ENOX1: variants seen among roughly 807,000 people sequenced by gnomAD.
ENOX1 encodes the protein ecto-NOX disulfide-thiol exchanger 1.
A neutral mutation model predicts 82.5 loss-of-function variants in ENOX1; 42 were observed. The ratio of observed to expected loss-of-function variants is 0.51; its 90% confidence interval spans 0.40 to 0.66. The LOEUF is 0.66. Among genes scored for constraint, ENOX1 ranks in the 30% least tolerant of loss-of-function variants. The probability of loss-of-function intolerance (pLI) is 0.00; values close to 1 mark genes in which losing one functional copy is unlikely to be tolerated. For synonymous variants in ENOX1, 271 were observed against 282.2 expected, an observed-to-expected ratio of 0.96 and a Z score of 0.40; for missense variants, 608 against 811.6, an observed-to-expected ratio of 0.75 and a Z score of 3.05.
At position 43,213,887 on chromosome 13, in the gene ENOX1, A is replaced by G; in HGVS notation, c.*103T>C. On this transcript the variant is annotated 3_prime_UTR_variant, in exon 17 of 17. Transcript: ENST00000690772. ...TAAAGGCAGGCTTCGATGGCTCCAC[A>G]AAGGTTGCGTGCTGGACCAACCCCA... The G allele has an allele frequency of 7.4e-7, 1 of 1,348,794 alleles. No homozygotes were observed. The highest frequency in any genetic ancestry group is 1.9e-4 in the Middle Eastern group (1 of 5,224). The allele number at this position is 1,348,794 out of a possible 1,614,324, so 83.6% of individuals were successfully genotyped here.
chr13:43,366,749 C>T (rs1028716462), intron 5 of ENOX1, among the ~76,000 whole-genome samples: 44 of 152,166 alleles, frequency 2.9e-4, no homozygotes, highest in African/African-American at 1.1e-3. Context: ...GGCTGTATGA[C>T]TTTGGGAAAT....
chr13:43,599,896 CCAGGCCCTAGCA>C, intron 2 of ENOX1, among the ~76,000 whole-genome samples: 1 of 151,924 alleles, frequency 6.6e-6, no homozygotes, highest in East Asian at 2.0e-4. Context: ...GGCCCCCATT[CCAGGCCCTAGCA>C]CCTGAATGAC....
intron 1 of ENOX1, among the ~76,000 whole-genome samples, chr13:43,747,552 C>T (rs1334489132): frequency 6.6e-6 from 1 of 152,206 alleles, no homozygotes; most frequent in African/African-American, 2.4e-5. Context: ...TGTCTTCACA[C>T]TTCATGGACA....
chr13:43,363,196 G>C (rs2050636524), intron 5 of ENOX1, among the ~76,000 whole-genome samples: 2 of 152,154 alleles, frequency 1.3e-5, no homozygotes, highest in African/African-American at 2.4e-5. Flanking sequence ...TCATCAGAAA[G>C]TTTCACAAGT....
intron 3 of ENOX1, among the ~76,000 whole-genome samples, chr13:43,463,917 A>C (rs1484344370): frequency 6.6e-6 from 1 of 152,198 alleles, no homozygotes; most frequent in African/African-American, 2.4e-5. Context: ...TTGAATACCT[A>C]CTATGTGCAG....
intron 11 of ENOX1, among the ~76,000 whole-genome samples, chr13:43,306,857 G>A (rs1420144230): frequency 6.6e-6 from 1 of 151,972 alleles, no homozygotes; most frequent in Non-Finnish European, 1.5e-5. Flanking sequence ...AGTTATATTA[G>A]TATTTGAATT....
At chr13:43,307,065 G>T (rs188506818) in intron 11 of ENOX1, among the ~76,000 whole-genome samples, 1 of 152,120 alleles carries the variant, frequency 6.6e-6, no homozygotes, top group African/African-American at 2.4e-5. Flanking sequence ...AGTTACTTCC[G>T]CCTTAGGTAA....
At chr13:43,272,834 T>C (rs1203201265) in intron 12 of ENOX1, among the ~76,000 whole-genome samples, 1 of 152,194 alleles carries the variant, frequency 6.6e-6, no homozygotes. Context: ...CACTGTATCC[T>C]GAAATGCTTA....
intron 12 of ENOX1, among the ~76,000 whole-genome samples, chr13:43,289,847 C>A (rs1378930759): frequency 6.6e-6 from 1 of 152,044 alleles, no homozygotes. Flanking sequence ...GGCCTAATAC[C>A]CACAATCTCT....
chr13:43,266,365 C>T (rs112010962), intron 13 of ENOX1, among the ~76,000 whole-genome samples: 692 of 152,268 alleles, frequency 4.5e-3, no homozygotes, highest in Middle Eastern at 0.01. Context: ...AACATTGGTT[C>T]CTTCTGGCTA....
At chr13:43,779,843 G>A (rs979925767) in intron 1 of ENOX1, among the ~76,000 whole-genome samples, 2 of 152,124 alleles carry the variant, frequency 1.3e-5, no homozygotes, top group South Asian at 2.1e-4. Flanking sequence ...TCTCTTCCAT[G>A]AGCAGCAACT....
intron 1 of ENOX1, among the ~76,000 whole-genome samples, chr13:43,756,985 A>C (rs2150222): frequency 0.074 from 11,196 of 150,320 alleles, 712 homozygotes; most frequent in African/African-American, 0.15. Context: ...AAAAAAAAAA[A>C]AAAAAAAAAG....
intron 2 of ENOX1, among the ~76,000 whole-genome samples, chr13:43,578,841 C>A (rs73182372): frequency 2.0e-5 from 3 of 152,136 alleles, no homozygotes; most frequent in African/African-American, 7.2e-5. Flanking sequence ...CTTAATTCCA[C>A]CTTTGATCTC....
intron 2 of ENOX1, among the ~76,000 whole-genome samples, chr13:43,556,397 T>A (rs1384941883): frequency 1.3e-5 from 2 of 152,236 alleles, no homozygotes; most frequent in Non-Finnish European, 1.5e-5. Context: ...GACACTATTT[T>A]GACTCCACCA....
intron 1 of ENOX1, among the ~76,000 whole-genome samples, chr13:43,770,251 G>A (rs1951510034): frequency 1.3e-5 from 2 of 152,170 alleles, no homozygotes; most frequent in South Asian, 4.1e-4. Flanking sequence ...GAGACAATGA[G>A]AAAATGGCAT....
At chr13:43,440,338 A>G (rs1334933862) in intron 3 of ENOX1, among the ~76,000 whole-genome samples, 1 of 152,222 alleles carries the variant, frequency 6.6e-6, no homozygotes, top group Non-Finnish European at 1.5e-5. Flanking sequence ...AGAAGTAGAA[A>G]CAAGTGGCTA....
intron 2 of ENOX1, among the ~76,000 whole-genome samples, chr13:43,529,721 A>G (rs1267556752): frequency 1.3e-5 from 2 of 152,106 alleles, no homozygotes; most frequent in East Asian, 3.9e-4. Context: ...TGGGAGTCTC[A>G]GAACACATCC....
intron 2 of ENOX1, among the ~76,000 whole-genome samples, chr13:43,556,430 C>T (rs573735401): frequency 6.6e-6 from 1 of 152,134 alleles, no homozygotes; most frequent in Non-Finnish European, 1.5e-5. Flanking sequence ...TGCAGTCATA[C>T]TGTTTAATTA....
At chr13:43,368,261 T>C (rs1374228612) in intron 5 of ENOX1, among the ~76,000 whole-genome samples, 1 of 152,222 alleles carries the variant, frequency 6.6e-6, no homozygotes, top group Non-Finnish European at 1.5e-5. Context: ...TCTGTCTCCT[T>C]TGACCAGGAT....
Sources: gnomAD v4.1 joint callset for allele counts (sites outside exome capture counted in the v4.1 genomes callset) on GRCh38, gnomAD v4.1.1 for gene constraint, MANE v1.5 for transcripts, NCBI Gene and HGNC (gene_info 2026-07-23, HGNC 2026-07-21) for gene names.